SYNPR: variants seen among roughly 807,000 people sequenced by gnomAD.
SYNPR encodes synaptoporin.
In SYNPR, 23 loss-of-function variants were observed where a neutral mutation model predicts 32.9. That is an observed-to-expected ratio of 0.70 (90% CI 0.50 to 0.99). The LOEUF (loss-of-function observed/expected upper bound fraction) is 0.99, where lower values mean the gene tolerates loss of function less well. Ranked by LOEUF, SYNPR falls within the 50% of genes least tolerant of loss-of-function variation. The pLI is 0.00. For synonymous variants in SYNPR, 146 were observed against 135.9 expected, an observed-to-expected ratio of 1.07 and a Z score of -0.52; for missense variants, 318 against 349.3, an observed-to-expected ratio of 0.91 and a Z score of 0.71.
intron 2 of SYNPR, among the ~76,000 whole-genome samples, chr3:63,468,580 CGTTTGAGATCAGGA>C (rs1023817539): frequency 2.4e-4 from 36 of 152,132 alleles, no homozygotes; most frequent in African/African-American, 8.2e-4. Flanking sequence ...CCGAGGCAGG[CGTTTGAGATCAGGA>C]GTTTGAGATC....
rs537364231 is a variant in SYNPR at position 63,332,646 on chromosome 3, G to A, written c.84+53904G>A. 1.2e-4 allele frequency among the ~76,000 whole-genome samples: 19 copies of A among 152,166 alleles called. No individual in the cohort carries two copies. In the South Asian group the frequency reaches 2.1e-3, roughly 17 times the overall value. On this transcript the variant is annotated intron_variant, in intron 2 of 5. Coordinates refer to ENST00000478300, the MANE Select transcript of SYNPR (RefSeq NM_001130003.2). ...CACTTTTGATGTCTCAGGCTTCTTC[G>A]ATCATTTGGTCTTAAGCACAACCCT...
In SYNPR at chr3:63,278,445, A is replaced by AG. The variant is rs1332969349; in HGVS notation, c.-85dup. Reference sequence around the variant, plus strand: ...GTGTCGCTCCTCTGGCTGCTCCCGAAGGGGCTTCTGGCCCTGAGGACGGTG... The same window carrying AG: ...GTGTCGCTCCTCTGGCTGCTCCCGAAGGGGGCTTCTGGCCCTGAGGACGGTG... On this transcript the variant is annotated 5_prime_UTR_variant, in exon 1 of 6. Coordinates refer to ENST00000478300, the MANE Select transcript of SYNPR (RefSeq NM_001130003.2). 36 of 1,467,782 alleles carry AG rather than the reference A, an allele frequency of 2.5e-5. No individual in the cohort carries two copies. Among genetic ancestry groups the AG allele is most frequent in the Non-Finnish European group, 2.6e-5 (29 of 1,101,580 alleles). The allele number at this position is 1,467,782 out of a possible 1,614,324, so 90.9% of individuals were successfully genotyped here.
intron 2 of SYNPR, among the ~76,000 whole-genome samples, chr3:63,412,354 G>A (rs1575631266): frequency 6.6e-6 from 1 of 152,152 alleles, no homozygotes; most frequent in East Asian, 1.9e-4. Context: ...GCAGGATTCT[G>A]CTGAAGCTAG....
chr3:63,521,520 C>T (rs1701913590), intron 3 of SYNPR, among the ~76,000 whole-genome samples: 1 of 152,158 alleles, frequency 6.6e-6, no homozygotes, highest in African/African-American at 2.4e-5. Flanking sequence ...CTAATATTAT[C>T]TCTATTTTAC....
chr3:63,327,200 C>T (rs964594047), intron 2 of SYNPR, among the ~76,000 whole-genome samples: 2 of 151,924 alleles, frequency 1.3e-5, no homozygotes, highest in African/African-American at 4.8e-5. Flanking sequence ...AAAATGTGAT[C>T]CCACCAAAAT....
At position 63,479,446 on chromosome 3, in the gene SYNPR, G is replaced by GCGCGCGCACACACACACACACACA. The variant is rs6147854; in HGVS notation, c.85-1385_85-1384insGCGCGCACACACACACACACACAC. ...AGTCACTTAAAACTGCCACACACAT[G>GCGCGCGCACACACACACACACACA]CACACACACATACACACACACACAC... On this transcript the variant is annotated intron_variant, in intron 2 of 5. Transcript: ENST00000478300. 6.2e-3 allele frequency among the ~76,000 whole-genome samples: 837 copies of GCGCGCGCACACACACACACACACA among 135,830 alleles called. 7 individuals carry two copies. Among genetic ancestry groups the GCGCGCGCACACACACACACACACA allele is most frequent in the Admixed American group, 0.037 (536 of 14,300 alleles). 89.1% of individuals were successfully genotyped at this position (135,830 alleles called of 152,430 possible). A position where few individuals can be genotyped will look rare whatever the true frequency, so the allele number is the denominator to read the frequency against.
intron 1 of SYNPR, among the ~76,000 whole-genome samples, chr3:63,235,838 T>C (rs1356290994): frequency 2.6e-5 from 4 of 152,158 alleles, no homozygotes; most frequent in African/African-American, 9.6e-5. Context: ...TCACATGGGC[T>C]TGTCTTTTAA....
intron 3 of SYNPR, among the ~76,000 whole-genome samples, chr3:63,522,953 T>A (rs778164699): frequency 1.3e-5 from 2 of 152,070 alleles, no homozygotes; most frequent in Admixed American, 6.6e-5. Flanking sequence ...AAGACCATTC[T>A]AGCTGCAGTG....
rs963485705 is a variant in SYNPR at position 63,615,753 on chromosome 3, T to A, written c.*272T>A. On this transcript the variant is annotated 3_prime_UTR_variant, in exon 6 of 6. Transcript: ENST00000478300. Reference sequence around the variant, plus strand: ...TACTTTCATGGTCATTTTGTATGTATGTTAAAGTAGTAGAAGTATTTTGTA... The same window carrying A: ...TACTTTCATGGTCATTTTGTATGTAAGTTAAAGTAGTAGAAGTATTTTGTA... 3 of 326,860 alleles carry A rather than the reference T, an allele frequency of 9.2e-6. No homozygotes were observed. Among genetic ancestry groups the A allele is most frequent in the Non-Finnish European group, 1.7e-5 (3 of 179,948 alleles). 20.2% of individuals were successfully genotyped at this position (326,860 alleles called of 1,614,324 possible).
Position 63,615,568 on chromosome 3 carries a change from T to C in SYNPR, c.*87T>C. On this transcript the variant is annotated 3_prime_UTR_variant, in exon 6 of 6. Transcript: ENST00000478300. ...ATTTTTTAAGGGTTTCAATCAATTA[T>C]TAATGCAGAGAGTATTGAATGTAAA... The C allele has an allele frequency of 1.3e-6, 2 of 1,493,008 alleles. No individual in the cohort carries two copies. The highest frequency in any genetic ancestry group is 2.3e-5 in the East Asian group (1 of 43,706). 92.5% of individuals were successfully genotyped at this position (1,493,008 alleles called of 1,614,324 possible).
chr3:63,237,199 T>C (rs926805288), intron 1 of SYNPR, among the ~76,000 whole-genome samples: 9 of 152,202 alleles, frequency 5.9e-5, no homozygotes, highest in Non-Finnish European at 1.0e-4. Flanking sequence ...CAGGGTATTT[T>C]GTTCTTGTCT....
intron 3 of SYNPR, among the ~76,000 whole-genome samples, chr3:63,538,685 G>A (rs187607735): frequency 1.2e-3 from 187 of 152,072 alleles, no homozygotes; most frequent in Admixed American, 9.2e-4. Flanking sequence ...CTTCCTCCAC[G>A]TGGAGGGATC....
At chr3:63,331,532 A>C (rs1012812164) in intron 2 of SYNPR, among the ~76,000 whole-genome samples, 2 of 152,150 alleles carry the variant, frequency 1.3e-5, no homozygotes, top group Non-Finnish European at 2.9e-5. Context: ...CTCTTCTTAA[A>C]TGCTCACGTA....
chr3:63,516,324 T>A (rs1408905234), intron 3 of SYNPR, among the ~76,000 whole-genome samples: 1 of 152,116 alleles, frequency 6.6e-6, no homozygotes, highest in Non-Finnish European at 1.5e-5. Context: ...ACTTTGGAAA[T>A]GCCAAAGTTG....
At chr3:63,450,111 C>T (rs1003931211) in intron 2 of SYNPR, among the ~76,000 whole-genome samples, 3 of 152,194 alleles carry the variant, frequency 2.0e-5, no homozygotes, top group Admixed American at 6.5e-5. Flanking sequence ...ACAGGCTTGG[C>T]TTTCTTACTC....
intron 3 of SYNPR, among the ~76,000 whole-genome samples, chr3:63,500,647 A>G (rs1049005717): frequency 1.3e-5 from 2 of 152,206 alleles, no homozygotes. Flanking sequence ...TTTAAAACCA[A>G]AAAGAATGGT....
At chr3:63,612,924 T>C in intron 5 of SYNPR, among the ~76,000 whole-genome samples, 1 of 135,134 alleles carries the variant, frequency 7.4e-6, no homozygotes, top group Non-Finnish European at 1.6e-5. Flanking sequence ...TCTCTTCTCT[T>C]CTCCTCTCTT....
In SYNPR at chr3:63,313,314, C is replaced by A. The variant is rs2086988784; in HGVS notation, c.84+34572C>A. ...ATTTTTGAGATTTTGGTGCACCCTTCACTCGAGCAGTATACACTGCACTGT... is the reference window on the plus strand; with the variant it reads ...ATTTTTGAGATTTTGGTGCACCCTTAACTCGAGCAGTATACACTGCACTGT... On this transcript the variant is annotated intron_variant, in intron 2 of 5. Transcript: ENST00000478300. Among the ~76,000 whole-genome samples, 3 of 151,818 alleles carry A rather than the reference C, an allele frequency of 2.0e-5. No homozygotes were observed. The South Asian group carries it at 6.3e-4, about 32-fold the overall frequency.
intron 3 of SYNPR, among the ~76,000 whole-genome samples, chr3:63,494,967 T>G (rs1158908945): frequency 6.6e-6 from 1 of 152,162 alleles, no homozygotes; most frequent in East Asian, 1.9e-4. Flanking sequence ...TAGCAAATGG[T>G]TCTCAGAGAT....
Sources: allele counts gnomAD v4.1 joint callset (sites outside exome capture counted in the v4.1 genomes callset), GRCh38; gene constraint gnomAD v4.1.1; transcripts MANE v1.5; gene names NCBI Gene and HGNC (gene_info 2026-07-23, HGNC 2026-07-21).